The following RAB38 variants were observed in gnomAD, a reference collection of about 807,000 sequenced individuals.
RAB38 encodes the protein ras-related protein Rab-38.
A neutral mutation model predicts 18.4 loss-of-function variants in RAB38; 15 were observed. The ratio of observed to expected loss-of-function variants is 0.82; its 90% confidence interval spans 0.55 to 1.26. The LOEUF (loss-of-function observed/expected upper bound fraction) is 1.26, where lower values mean the gene tolerates loss of function less well. RAB38 is among the 50% of genes most tolerant of loss of function. The probability of loss-of-function intolerance (pLI) is 0.00; values close to 1 mark genes in which losing one functional copy is unlikely to be tolerated. For missense variants in RAB38, 294 were observed against 267.4 expected (o/e 1.10, Z -0.69); for synonymous variants, 101 against 104.4 (o/e 0.97, Z 0.20).
intron 1 of RAB38, among the ~76,000 whole-genome samples, chr11:88,168,006 G>C (rs1257133624): frequency 6.6e-6 from 1 of 152,186 alleles, no homozygotes; most frequent in Admixed American, 6.5e-5. Flanking sequence ...AGAAGAGGGA[G>C]AGAAAGGATT....
At chr11:87,892,700 T>C in the RAB38 span, among the ~76,000 whole-genome samples, 1 of 151,808 alleles carries the variant, frequency 6.6e-6, no homozygotes, top group Non-Finnish European at 1.5e-5. Context: ...ACTGGCATGA[T>C]ATATCCCCAT....
the RAB38 span, among the ~76,000 whole-genome samples, chr11:88,093,297 T>C: frequency 6.6e-6 from 1 of 151,882 alleles, no homozygotes; most frequent in African/African-American, 2.4e-5. Flanking sequence ...TTTTGATTTA[T>C]GTGAAATGTT....
chr11:87,921,650 T>A, the RAB38 span, among the ~76,000 whole-genome samples: 1 of 147,480 alleles, frequency 6.8e-6, no homozygotes, highest in East Asian at 1.9e-4. Context: ...TTTTCTCTTT[T>A]ACCAGCTGTA....
chr11:87,883,306 A>G, the RAB38 span, among the ~76,000 whole-genome samples: 1 of 151,924 alleles, frequency 6.6e-6, no homozygotes, highest in Admixed American at 6.6e-5. Context: ...GGGAAATAGC[A>G]GAAGGAGGTG....
chr11:88,124,010 G>A (rs1243178573), intron 2 of RAB38, among the ~76,000 whole-genome samples: 1 of 152,144 alleles, frequency 6.6e-6, no homozygotes, highest in Non-Finnish European at 1.5e-5. Context: ...AGAGTTTGAA[G>A]CTCTTGCTTC....
chr11:87,812,469 T>C, the RAB38 span, among the ~76,000 whole-genome samples: 1 of 152,208 alleles, frequency 6.6e-6, no homozygotes, highest in Non-Finnish European at 1.5e-5. Context: ...CATGTAGTCG[T>C]ATGTTTTGGT....
At chr11:88,018,624 A>G in the RAB38 span, among the ~76,000 whole-genome samples, 5 of 152,166 alleles carry the variant, frequency 3.3e-5, no homozygotes, top group Admixed American at 3.3e-4. Context: ...ATCCCTTGGT[A>G]TCCATGGGGG....
the RAB38 span, among the ~76,000 whole-genome samples, chr11:87,925,576 A>G: frequency 6.6e-6 from 1 of 152,066 alleles, no homozygotes; most frequent in Admixed American, 6.6e-5. Flanking sequence ...GAAGGTATTC[A>G]GGGAAGAACT....
the RAB38 span, among the ~76,000 whole-genome samples, chr11:88,017,122 G>A: frequency 1.2e-4 from 18 of 151,976 alleles, no homozygotes; most frequent in Non-Finnish European, 1.9e-4. Context: ...AGAAAATGAA[G>A]ATAAGCACTG....
At chr11:87,866,197 C>CAGAT in the RAB38 span, among the ~76,000 whole-genome samples, 1 of 151,652 alleles carries the variant, frequency 6.6e-6, no homozygotes, top group Admixed American at 6.6e-5. Flanking sequence ...GGTGGGAAGA[C>CAGAT]AGATAGAGAA....
chr11:87,839,673 A>G, the RAB38 span, among the ~76,000 whole-genome samples: 36 of 152,310 alleles, frequency 2.4e-4, no homozygotes, highest in South Asian at 7.2e-3. Context: ...ATTTTTATGT[A>G]CTTGAGAAAT....
the RAB38 span, among the ~76,000 whole-genome samples, chr11:87,905,985 T>G: frequency 6.6e-6 from 1 of 151,990 alleles, no homozygotes; most frequent in Non-Finnish European, 1.5e-5. Flanking sequence ...GGTCTTCAGC[T>G]CCAAGTGCTA....
chr11:87,915,095 A>G, the RAB38 span, among the ~76,000 whole-genome samples: 3 of 152,112 alleles, frequency 2.0e-5, no homozygotes, highest in African/African-American at 7.2e-5. Context: ...CCACTACCAG[A>G]CCCCAGAATG....
chr11:87,906,060 G>T, the RAB38 span, among the ~76,000 whole-genome samples: 6 of 151,832 alleles, frequency 4.0e-5, no homozygotes, highest in Admixed American at 3.3e-4. Context: ...CCTTATCTTG[G>T]GGATCATGGT....
At chr11:87,977,470 T>TGA in the RAB38 span, among the ~76,000 whole-genome samples, 12 of 44,452 alleles carry the variant, frequency 2.7e-4, 1 homozygote, top group East Asian at 1.0e-3. Context: ...TAATTATATA[T>TGA]TACATATATA....
At chr11:88,037,812 C>A in the RAB38 span, among the ~76,000 whole-genome samples, 1 of 152,072 alleles carries the variant, frequency 6.6e-6, no homozygotes, top group Non-Finnish European at 1.5e-5. Context: ...TAATAACTTG[C>A]ATATACTTTT....
At chr11:88,152,158 CCTT>C (rs1466524694) in intron 1 of RAB38, among the ~76,000 whole-genome samples, 4 of 152,128 alleles carry the variant, frequency 2.6e-5, no homozygotes, top group Admixed American at 6.5e-5. Flanking sequence ...GGGAAAAAAG[CCTT>C]CTGTGATAAC....
intron 1 of RAB38, chr11:88,167,654 G>A (rs991103676): frequency 6.6e-6 from 1 of 152,214 alleles, no homozygotes; most frequent in South Asian, 2.1e-4. Context: ...AAAGGAAGGA[G>A]AGAACAGTAG....
chr11:88,010,451 A>G, the RAB38 span, among the ~76,000 whole-genome samples: 1 of 152,192 alleles, frequency 6.6e-6, no homozygotes, highest in Non-Finnish European at 1.5e-5. Flanking sequence ...AGATAATTTA[A>G]AAAGTACTTT....
Sources: allele counts gnomAD v4.1 joint callset (sites outside exome capture counted in the v4.1 genomes callset), GRCh38; gene constraint gnomAD v4.1.1; transcripts MANE v1.5; gene names NCBI Gene and HGNC (gene_info 2026-07-23, HGNC 2026-07-21).